The following TJP1 variants were observed in gnomAD, a reference collection of about 807,000 sequenced individuals.
TJP1 encodes the protein tight junction protein ZO-1.
In TJP1, 43 loss-of-function variants were observed where a neutral mutation model predicts 194.2. The ratio of observed to expected loss-of-function variants is 0.22; its 90% CI spans 0.17 to 0.29. TJP1 has a LOEUF of 0.29. Among genes scored for constraint, TJP1 ranks in the 10% least tolerant of loss-of-function variants. TJP1 has a pLI of 1.00. For synonymous variants in TJP1, 801 were observed against 779.0 expected, an observed-to-expected ratio of 1.03 and a Z score of -0.47; for missense variants, 1,971 against 2,185.7, an observed-to-expected ratio of 0.90 and a Z score of 1.96.
intron 2 of TJP1, among the ~76,000 whole-genome samples, chr15:29,901,113 T>C (rs813676): frequency 0.61 from 92,897 of 151,794 alleles, 28,852 homozygotes; most frequent in South Asian, 0.76. Context: ...TCGATGAGAA[T>C]GGCACAGCTG....
At chr15:29,748,144 T>G (rs1474559546) in intron 8 of TJP1, among the ~76,000 whole-genome samples, 7 of 152,218 alleles carry the variant, frequency 4.6e-5, no homozygotes, top group Admixed American at 3.9e-4. Flanking sequence ...AGAATCCATG[T>G]TAAATAAAAT....
chr15:29,949,931 A>ACTT (rs1567226903), intron 2 of TJP1, among the ~76,000 whole-genome samples: 8 of 47,444 alleles, frequency 1.7e-4, no homozygotes, highest in South Asian at 8.7e-4. Flanking sequence ...CTTCACCACC[A>ACTT]CCACCACCTC....
intron 2 of TJP1, among the ~76,000 whole-genome samples, chr15:29,786,156 G>GT (rs1238206089): frequency 1.3e-5 from 2 of 152,134 alleles, no homozygotes; most frequent in Non-Finnish European, 2.9e-5. Context: ...GATTGATTCG[G>GT]TTTTTTAACA....
intron 2 of TJP1, among the ~76,000 whole-genome samples, chr15:29,778,091 A>G (rs2047129375): frequency 6.6e-6 from 1 of 152,192 alleles, no homozygotes; most frequent in South Asian, 2.1e-4. Flanking sequence ...CAGGGATGCG[A>G]GCATACATTT....
chr15:29,921,960 T>C (rs547638022), intron 2 of TJP1, among the ~76,000 whole-genome samples: 1 of 152,128 alleles, frequency 6.6e-6, no homozygotes, highest in African/African-American at 2.4e-5. Context: ...TTCTCCTGCC[T>C]GAGCCTCCCG....
At chr15:29,949,464 C>CCTCCACCTT (rs1176767909) in intron 2 of TJP1, among the ~76,000 whole-genome samples, 1 of 123,860 alleles carries the variant, frequency 8.1e-6, no homozygotes. Flanking sequence ...ACCACTTCCA[C>CCTCCACCTT]CACCACCACC....
At position 29,720,648 on chromosome 15, in the gene TJP1, C is replaced by A. The variant is rs1595620017; in HGVS notation, c.2473G>T (p.Ala825Ser). The change falls in exon 19 of 28, where the codon GCT becomes TCT. Residue 825 changes from alanine (A) to serine (S), a missense_variant. Transcript: ENST00000614355. ...TACATTGAGTATTCACTACCTGGAG[C>A]TGACAGGTAGGACAGACGATCATCA... ...LHDDRLSYLS[A>S]PGSEYSMYST... The A allele has an allele frequency of 6.2e-7, 1 of 1,613,876 alleles. No homozygotes were observed.
At chr15:29,773,128 G>A (rs2046796864) in intron 3 of TJP1, 105 bp downstream of exon 3, 2 of 1,322,684 alleles carry the variant, frequency 1.5e-6, no homozygotes, top group South Asian at 1.6e-5. Flanking sequence ...CACAGGTGGA[G>A]TGTGAATATG....
intron 2 of TJP1, among the ~76,000 whole-genome samples, chr15:29,931,178 G>C (rs949925504): frequency 3.3e-5 from 5 of 152,178 alleles, no homozygotes; most frequent in African/African-American, 9.7e-5. Context: ...AGAAAATATA[G>C]TTACTGTTCA....
intron 1 of TJP1, among the ~76,000 whole-genome samples, chr15:29,960,591 A>G (rs2056117698): frequency 6.6e-6 from 1 of 151,578 alleles, no homozygotes; most frequent in African/African-American, 2.4e-5. Context: ...AATGGTGATC[A>G]TACCACTGCA....
rs757335711 is a variant in TJP1, at chr15:29,761,126, T to C, written c.1010+13A>G. The C allele has an allele frequency of 4.2e-5, 66 of 1,566,588 alleles. No individual in the cohort carries two copies. In the South Asian group the frequency reaches 7.2e-4, roughly 17 times the overall value. On this transcript the variant is annotated intron_variant, in intron 8 of 27. Coordinates refer to ENST00000614355, the MANE Select transcript of TJP1 (RefSeq NM_001330239.4). ...AAAACCCCTGTATTTTTTAAAAAAATAGGGTGTCTTACCTGCCATTGCTTG... is the reference window on the plus strand; with the variant it reads ...AAAACCCCTGTATTTTTTAAAAAAACAGGGTGTCTTACCTGCCATTGCTTG...
intron 2 of TJP1, among the ~76,000 whole-genome samples, chr15:29,792,913 AT>A (rs1177733710): frequency 6.6e-6 from 1 of 152,070 alleles, no homozygotes; most frequent in Non-Finnish European, 1.5e-5. Context: ...TATTTTCTAG[AT>A]TGTTTGCTCT....
chr15:29,760,984 A>G (rs1324498676), intron 8 of TJP1, among the ~76,000 whole-genome samples, 155 bp downstream of exon 8: 1 of 152,226 alleles, frequency 6.6e-6, no homozygotes, highest in Non-Finnish European at 1.5e-5. Context: ...GTTTGCGGTT[A>G]TTTTAGATTT....
chr15:29,817,174 A>G (rs997423201), intron 1 of TJP1, among the ~76,000 whole-genome samples: 1 of 152,370 alleles, frequency 6.6e-6, no homozygotes, highest in Non-Finnish European at 1.5e-5. Context: ...TCAAAAGAAG[A>G]CATTTATGCT....
intron 2 of TJP1, among the ~76,000 whole-genome samples, chr15:29,948,486 C>T (rs923752983): frequency 3.3e-5 from 5 of 152,182 alleles, no homozygotes; most frequent in African/African-American, 4.8e-5. Flanking sequence ...GAGCCTGGTC[C>T]AGCATAAGGT....
intron 2 of TJP1, among the ~76,000 whole-genome samples, chr15:29,783,643 A>G (rs2047515266): frequency 6.6e-6 from 1 of 152,218 alleles, no homozygotes; most frequent in South Asian, 2.1e-4. Context: ...AAAGAATAAG[A>G]TCATGTCCTT....
chr15:29,841,377 A>G (rs2051218752), intron 2 of TJP1, among the ~76,000 whole-genome samples: 1 of 152,214 alleles, frequency 6.6e-6, no homozygotes, highest in Admixed American at 6.5e-5. Context: ...TATGTTTACA[A>G]ACAACCTGCT....
Position 29,865,322 on chromosome 15 carries a change from T to C in TJP1, c.307-64620A>G, listed in dbSNP as rs368089047. Among the ~76,000 whole-genome samples, 88 of 152,350 alleles carry C rather than the reference T, an allele frequency of 5.8e-4. No homozygotes were observed. In the South Asian group the frequency reaches 0.016, roughly 28 times the overall value. On this transcript the variant is annotated intron_variant, in intron 2 of 28. Coordinates refer to the TJP1 transcript ENST00000356107. ...GCATGGGGAATGCAGCTGGTGATTC[T>C]TACAAATGTTAATGTAAACTCTGCA...
intron 2 of TJP1, among the ~76,000 whole-genome samples, chr15:29,922,901 A>C (rs1280532417): frequency 6.6e-6 from 1 of 152,218 alleles, no homozygotes; most frequent in Non-Finnish European, 1.5e-5. Flanking sequence ...GTACACTTCT[A>C]CTTACTTCTA....
Sources: allele counts gnomAD v4.1 joint callset (sites outside exome capture counted in the v4.1 genomes callset), GRCh38; gene constraint gnomAD v4.1.1; transcripts MANE v1.5; gene names NCBI Gene and HGNC (gene_info 2026-07-23, HGNC 2026-07-21).